The following CA5A variants were observed in gnomAD, a reference collection of about 807,000 sequenced individuals.
The protein encoded by CA5A is carbonic anhydrase 5A.
Under a neutral mutation model 37.1 loss-of-function variants are expected in CA5A, and 28 were observed. The observed-to-expected ratio is 0.75, with a 90% CI of 0.56 to 1.03. The LOEUF is 1.03. CA5A is among the 50% of genes least tolerant of loss of function. The pLI is 0.00. For missense variants in CA5A, 444 were observed against 399.9 expected (o/e 1.11, Z -0.94); for synonymous variants, 171 against 158.4 (o/e 1.08, Z -0.60).
At chr16:87,900,307 G>C (rs112797838) in intron 5 of CA5A, among the ~76,000 whole-genome samples, 1 of 152,222 alleles carries the variant, frequency 6.6e-6, no homozygotes, top group African/African-American at 2.4e-5. Flanking sequence ...TCTCAGAACC[G>C]TGGCCTTGTG....
chr16:87,932,458 A>G (rs1174216669), intron 1 of CA5A, among the ~76,000 whole-genome samples: 1 of 152,170 alleles, frequency 6.6e-6, no homozygotes, highest in Non-Finnish European at 1.5e-5. Context: ...GTCACCCAAC[A>G]AAAGGGCTCA....
At chr16:87,914,426 C>T (rs1271508833) in intron 2 of CA5A, among the ~76,000 whole-genome samples, 2 of 152,312 alleles carry the variant, frequency 1.3e-5, no homozygotes, top group East Asian at 1.9e-4. Flanking sequence ...GCTAGCCACG[C>T]GGCGGGTGCA....
In CA5A at chr16:87,911,407, G is replaced by C. The variant is rs1408761480; in HGVS notation, c.341-6503C>G. On this transcript the variant is annotated intron_variant, in intron 2 of 6. Transcript: ENST00000649794. The surrounding 1 kb of genome is among the most constrained non-coding windows in gnomAD (Gnocchi z 4.6). ...GCTATTACAACAGATGCTGTTAATAGCCATCTATTTGTAGTTCGGGGCTTT... is the reference window on the plus strand; with the variant it reads ...GCTATTACAACAGATGCTGTTAATACCCATCTATTTGTAGTTCGGGGCTTT... Among the ~76,000 whole-genome samples, 1 of 152,224 alleles carries C rather than the reference G, an allele frequency of 6.6e-6. No homozygotes were observed. Among genetic ancestry groups the C allele is most frequent in the African/African-American group, 2.4e-5 (1 of 41,458 alleles).
At chr16:87,917,965 T>A (rs953358517) in intron 2 of CA5A, among the ~76,000 whole-genome samples, 2 of 152,236 alleles carry the variant, frequency 1.3e-5, no homozygotes, top group African/African-American at 4.8e-5. Flanking sequence ...GGGTCGTCCT[T>A]GAACCGCACA....
chr16:87,933,293 G>A (rs1040112457), intron 1 of CA5A, among the ~76,000 whole-genome samples: 6 of 152,226 alleles, frequency 3.9e-5, no homozygotes, highest in East Asian at 3.8e-4. Context: ...AGTTACCAAC[G>A]TAACGTTGCT....
At chr16:87,932,646 C>T (rs775929284) in intron 1 of CA5A, among the ~76,000 whole-genome samples, 10 of 151,944 alleles carry the variant, frequency 6.6e-5, no homozygotes, top group Admixed American at 2.6e-4. Flanking sequence ...CAGAGCTGCT[C>T]CTATGGGTCA....
chr16:87,893,323 TTC>T, intron 5 of CA5A: 1 of 351,006 alleles, frequency 2.8e-6, no homozygotes, highest in East Asian at 6.7e-5. Context: ...GAGACGGGGT[TTC>T]ACCATATTAG....
At chr16:87,903,474 A>C (rs566843786) in intron 3 of CA5A, among the ~76,000 whole-genome samples, 3 of 152,364 alleles carry the variant, frequency 2.0e-5, no homozygotes, top group Non-Finnish European at 4.4e-5. Context: ...ATATCTGTTC[A>C]TCAAAAACAA....
Position 87,902,750 on chromosome 16 carries a change from C to CA in CA5A, c.460-231dup, listed in dbSNP as rs35068596. ...TGAAATCCTGTCTCTACTAAAAATA[C>CA]AAAAAAAAAAAATTAGCTGGGCGTG... On this transcript the variant is annotated intron_variant, in intron 3 of 6. Coordinates refer to ENST00000649794, the MANE Select transcript of CA5A (RefSeq NM_001739.2). Among the ~76,000 whole-genome samples the CA allele has an allele frequency of 2.3e-3, 339 of 144,820 alleles. 1 individual carries two copies. Among genetic ancestry groups the CA allele is most frequent in the East Asian group, 4.8e-3 (23 of 4,832 alleles).
intron 1 of CA5A, among the ~76,000 whole-genome samples, chr16:87,929,384 G>A (rs1262679930): frequency 1.3e-5 from 2 of 149,494 alleles, no homozygotes; most frequent in African/African-American, 4.9e-5. Flanking sequence ...TCTGGGAGGC[G>A]GAGATTGCAG....
At chr16:87,920,543 C>T (rs552895887) in intron 2 of CA5A, among the ~76,000 whole-genome samples, 2 of 152,246 alleles carry the variant, frequency 1.3e-5, no homozygotes, top group South Asian at 4.1e-4. Flanking sequence ...CTCCTGACCT[C>T]AGATGATCCA....
At chr16:87,906,046 T>C (rs7205135) in intron 2 of CA5A, among the ~76,000 whole-genome samples, 10,015 of 152,296 alleles carry the variant, frequency 0.066, 795 homozygotes, top group African/African-American at 0.19. Flanking sequence ...TGTGTCTAAG[T>C]ACTTTGTCAC....
intron 2 of CA5A, among the ~76,000 whole-genome samples, chr16:87,914,967 C>T (rs1267991501): frequency 2.0e-5 from 3 of 152,210 alleles, no homozygotes; most frequent in South Asian, 2.1e-4. Context: ...AGGAAAACGC[C>T]GGGCACCGAG....
chr16:87,892,165 G>A (rs551743317), intron 5 of CA5A: 2 of 468,102 alleles, frequency 4.3e-6, no homozygotes, highest in South Asian at 8.0e-5. Flanking sequence ...TTACATTGGT[G>A]GGAATTACGT....
chr16:87,903,241 G>A (rs1252260031), intron 3 of CA5A, among the ~76,000 whole-genome samples: 1 of 152,066 alleles, frequency 6.6e-6, no homozygotes, highest in Non-Finnish European at 1.5e-5. Flanking sequence ...GACCAGCCTG[G>A]CCAAGATGGT....
At chr16:87,883,364 C>G (rs1346809363), downstream of CA5A, 1 of 145,710 alleles carries the variant, frequency 6.9e-6, no homozygotes, top group Non-Finnish European at 1.5e-5. Flanking sequence ...GAGTCTCACT[C>G]TGTTGCCCAG....
chr16:87,930,000 A>G (rs1243693531), intron 1 of CA5A, among the ~76,000 whole-genome samples: 1 of 152,068 alleles, frequency 6.6e-6, no homozygotes, highest in African/African-American at 2.4e-5. Context: ...TCTACTCGTC[A>G]GTGTTAAAAA....
intron 2 of CA5A, among the ~76,000 whole-genome samples, chr16:87,924,870 G>C (rs916354671): frequency 6.6e-6 from 1 of 152,268 alleles, no homozygotes; most frequent in Non-Finnish European, 1.5e-5. Context: ...TTTCTGGGCA[G>C]ATGTGGTGCT....
At chr16:87,930,661 G>C (rs1019390802) in intron 1 of CA5A, among the ~76,000 whole-genome samples, 6 of 152,144 alleles carry the variant, frequency 3.9e-5, no homozygotes, top group Admixed American at 3.3e-4. Flanking sequence ...GACAGCACAG[G>C]GTGGTTCTGA....
Sources: allele counts gnomAD v4.1 joint callset (sites outside exome capture counted in the v4.1 genomes callset), GRCh38; gene constraint gnomAD v4.1.1; non-coding constraint Gnocchi (gnomAD v3.1); transcripts MANE v1.5; gene names NCBI Gene and HGNC (gene_info 2026-07-23, HGNC 2026-07-21).